EXOC1: variants seen among roughly 807,000 people sequenced by gnomAD.
EXOC1 encodes the protein SEC3-like 1.
EXOC1 carries 67 observed loss-of-function variants against 107.7 expected under a neutral mutation model. The ratio of observed to expected loss-of-function variants is 0.62; its 90% CI spans 0.51 to 0.76. EXOC1 has a LOEUF of 0.76. EXOC1 is among the 30% of genes least tolerant of loss of function. The probability of loss-of-function intolerance (pLI) is 0.00; values close to 1 mark genes in which losing one functional copy is unlikely to be tolerated. For synonymous variants in EXOC1, 348 were observed against 353.5 expected, an observed-to-expected ratio of 0.98 and a Z score of 0.17; for missense variants, 833 against 1,055.7, an observed-to-expected ratio of 0.79 and a Z score of 2.92.
chr4:55,875,478 A>G (rs1722813151), intron 8 of EXOC1: 1 of 980,276 alleles, frequency 1.0e-6, no homozygotes. Flanking sequence ...AAGTCACTAT[A>G]GCAAAGTGCT....
chr4:55,885,484 G>T (rs745597214), intron 10 of EXOC1: 1 of 152,100 alleles, frequency 6.6e-6, no homozygotes, highest in Non-Finnish European at 1.5e-5. Context: ...CAGGTTAAAA[G>T]GTAGTTTTGT....
Position 55,899,753 on chromosome 4 carries a change from A to G in EXOC1, c.2206A>G (p.Ile736Val). The G allele has an allele frequency of 6.2e-7, 1 of 1,613,840 alleles. No individual in the cohort carries two copies. The highest frequency in any genetic ancestry group is 8.5e-7 in the Non-Finnish European group (1 of 1,179,830). The stretch of plus-strand genomic sequence containing the variant: ...GGTTATGATGGAAAACTTTCACCAT[A>G]TTTTTGCAACTCTTTCTCGATTGAA... ...DVVMMENFHH[I>V]FATLSRLKIS... Residue 736 changes from isoleucine (I) to valine (V), a missense_variant, in exon 17 of 19, where the codon ATT (isoleucine) becomes GTT (valine). Physicochemically the swap from Ile to Val is conservative, Grantham distance 29 (BLOSUM62 3). This residue lies in a region of EXOC1 where 216 missense variants were observed against 354.4 expected (regional missense o/e 0.61). Transcript: ENST00000381295.
At chr4:55,892,779 T>C (rs1047495547) in intron 14 of EXOC1, 68 bp downstream of exon 14, 12 of 1,457,242 alleles carry the variant, frequency 8.2e-6, no homozygotes, top group Admixed American at 1.7e-5. Flanking sequence ...GTGCTGCTCA[T>C]TGAGGGGTCT....
At chr4:55,891,497 T>A (rs1202844988) in intron 13 of EXOC1, 75 bp downstream of exon 13, 1 of 993,620 alleles carries the variant, frequency 1.0e-6, no homozygotes, top group East Asian at 2.5e-5. Flanking sequence ...GTGGTCACAA[T>A]TTTATGATCA....
chr4:55,875,463 T>TA, intron 8 of EXOC1: 2 of 982,854 alleles, frequency 2.0e-6, no homozygotes, highest in South Asian at 9.4e-5. Flanking sequence ...ATCATTTCTT[T>TA]AAAAAAGTCA....
chr4:55,879,984 T>A (rs1275169250), intron 9 of EXOC1, among the ~76,000 whole-genome samples: 1 of 152,206 alleles, frequency 6.6e-6, no homozygotes, highest in Non-Finnish European at 1.5e-5. Flanking sequence ...ATGAGAATAT[T>A]GGAATTGCTA....
At chr4:55,894,606 A>G (rs1372867102) in intron 15 of EXOC1, among the ~76,000 whole-genome samples, 2 of 135,948 alleles carry the variant, frequency 1.5e-5, no homozygotes, top group African/African-American at 2.7e-5. Flanking sequence ...CTTTCTTACT[A>G]TCTGTTACTT....
chr4:55,857,714 G>A (rs886265441), intron 1 of EXOC1, among the ~76,000 whole-genome samples: 3 of 152,202 alleles, frequency 2.0e-5, no homozygotes, highest in African/African-American at 7.2e-5. Flanking sequence ...GTTTTCCAAA[G>A]TGGCTGCACC....
intron 17 of EXOC1, among the ~76,000 whole-genome samples, chr4:55,901,829 T>G (rs1360475827): frequency 2.6e-5 from 4 of 152,124 alleles, no homozygotes; most frequent in Non-Finnish European, 5.9e-5. Context: ...TTTCAAATAC[T>G]TAAAGTTATG....
chr4:55,886,462 C>T (rs921867460), intron 10 of EXOC1, among the ~76,000 whole-genome samples: 2 of 150,952 alleles, frequency 1.3e-5, no homozygotes, highest in Non-Finnish European at 2.9e-5. Context: ...CTGAGGGGCA[C>T]GGATCACTTG....
At chr4:55,901,640 A>G (rs888795892) in intron 17 of EXOC1, among the ~76,000 whole-genome samples, 4 of 152,246 alleles carry the variant, frequency 2.6e-5, no homozygotes, top group Middle Eastern at 3.4e-3. Flanking sequence ...GGTTAACCTT[A>G]TTTATAGCCA....
rs552195992 is a variant in EXOC1, at chr4:55,890,072, A to G, written c.1376-151A>G. ...AATGTTAATGGAAGATAAGGAAACT[A>G]TACCACCTATCCCTTATAGAAGATT... is the stretch of plus-strand genomic sequence containing the variant. On this transcript the variant is annotated intron_variant, in intron 11 of 18. Transcript: ENST00000381295. 1.8e-5 allele frequency: 12 copies of G among 677,234 alleles called. No individual in the cohort carries two copies. The East Asian group carries it at 2.5e-4, about 14-fold the overall frequency. The allele number at this position is 677,234 out of a possible 1,614,324, so 42.0% of individuals were successfully genotyped here.
intron 2 of EXOC1, among the ~76,000 whole-genome samples, chr4:55,859,827 A>G (rs1166450066): frequency 1.3e-5 from 2 of 152,200 alleles, no homozygotes; most frequent in Admixed American, 6.5e-5. Context: ...TTAGTGTAGT[A>G]TATAATTGTA....
At chr4:55,884,669 A>G (rs1723701884) in intron 10 of EXOC1, among the ~76,000 whole-genome samples, 1 of 152,192 alleles carries the variant, frequency 6.6e-6, no homozygotes, top group African/African-American at 2.4e-5. Flanking sequence ...GTGCCTATTC[A>G]AGTCAAAACC....
At position 55,902,321 on chromosome 4, in the gene EXOC1, T is replaced by G. The variant is rs370281846; in HGVS notation, c.2338-23T>G. The stretch of plus-strand genomic sequence containing the variant: ...AATAATAAATGCAGGTCTTAGCCAT[T>G]GTTTCTTTTCATTTCCTTGAAGCAT... On this transcript the variant is annotated intron_variant, in intron 17 of 18. Transcript: ENST00000381295. 65 of 1,408,990 alleles carry G rather than the reference T, an allele frequency of 4.6e-5. No individual in the cohort carries two copies. The highest frequency in any genetic ancestry group is 8.7e-5 in the Admixed American group (3 of 34,606). The allele number at this position is 1,408,990 out of a possible 1,614,324, so 87.3% of individuals were successfully genotyped here. A position where few individuals can be genotyped will look rare whatever the true frequency, so the allele number is the denominator to read the frequency against.
chr4:55,869,546 G>T (rs533904256), intron 5 of EXOC1, among the ~76,000 whole-genome samples: 1 of 152,300 alleles, frequency 6.6e-6, no homozygotes, highest in East Asian at 1.9e-4. Flanking sequence ...AGGTACAGAA[G>T]TTATGGGGTC....
chr4:55,879,394 A>G (rs968473719), intron 9 of EXOC1, among the ~76,000 whole-genome samples: 18 of 152,230 alleles, frequency 1.2e-4, no homozygotes, highest in African/African-American at 4.3e-4. Flanking sequence ...GCCCTAAGGC[A>G]GAGCGTTCCT....
chr4:55,903,832 G>A (rs1726294850), intron 18 of EXOC1, among the ~76,000 whole-genome samples: 1 of 152,102 alleles, frequency 6.6e-6, no homozygotes, highest in Non-Finnish European at 1.5e-5. Flanking sequence ...TAATGGGTCT[G>A]AGTCATTTTG....
intron 8 of EXOC1, among the ~76,000 whole-genome samples, chr4:55,872,373 G>T (rs1722522264): frequency 7.7e-6 from 1 of 130,430 alleles, no homozygotes; most frequent in African/African-American, 2.9e-5. Context: ...TTAGTACATA[G>T]TATAATTGTT....
Sources: gnomAD v4.1 joint callset for allele counts (sites outside exome capture counted in the v4.1 genomes callset) on GRCh38, gnomAD v4.1.1 for gene constraint, gnomAD v4.1.1 regional missense constraint, MANE v1.5 for transcripts, NCBI Gene and HGNC (gene_info 2026-07-23, HGNC 2026-07-21) for gene names.